CFAP61: variants seen among roughly 807,000 people sequenced by gnomAD.
The protein encoded by CFAP61 is cilia- and flagella-associated protein 61.
Under a neutral mutation model 135.6 loss-of-function variants are expected in CFAP61, and 107 were observed. The ratio of observed to expected loss-of-function variants is 0.79; its 90% CI spans 0.67 to 0.93. The LOEUF (loss-of-function observed/expected upper bound fraction) is 0.93, where lower values mean the gene tolerates loss of function less well. Ranked by LOEUF, CFAP61 falls within the 40% of genes least tolerant of loss-of-function variation. The probability of loss-of-function intolerance (pLI) is 0.00; values close to 1 mark genes in which losing one functional copy is unlikely to be tolerated. For synonymous variants in CFAP61, 575 were observed against 578.5 expected (o/e 0.99, Z 0.09); for missense variants, 1,507 against 1,556.2 (o/e 0.97, Z 0.53).
At chr20:20,081,992 A>G (rs1398634993) in intron 6 of CFAP61, among the ~76,000 whole-genome samples, 5 of 152,198 alleles carry the variant, frequency 3.3e-5, no homozygotes, top group Non-Finnish European at 5.9e-5. Context: ...AAAGCCCTCT[A>G]TCCACATGTT....
chr20:20,093,872 A>T (rs2047382623), intron 7 of CFAP61, among the ~76,000 whole-genome samples: 1 of 151,474 alleles, frequency 6.6e-6, no homozygotes, highest in African/African-American at 2.4e-5. Flanking sequence ...TTTATTTTTA[A>T]TTTTGGACAC....
At chr20:20,059,799 A>G (rs1639219529) in intron 2 of CFAP61, among the ~76,000 whole-genome samples, 1 of 152,172 alleles carries the variant, frequency 6.6e-6, no homozygotes, top group South Asian at 2.1e-4. Flanking sequence ...CAATACCAGT[A>G]AATTACCCAG....
chr20:20,122,187 T>G (rs1232239194), intron 8 of CFAP61, among the ~76,000 whole-genome samples: 1 of 151,834 alleles, frequency 6.6e-6, no homozygotes, highest in Non-Finnish European at 1.5e-5. Flanking sequence ...AGAGTCTCAC[T>G]CTGTCACCCA....
At chr20:20,218,082 G>A (rs192207390) in intron 17 of CFAP61, among the ~76,000 whole-genome samples, 64 of 152,228 alleles carry the variant, frequency 4.2e-4, no homozygotes, top group Non-Finnish European at 7.2e-4. Context: ...GACTTTTCCT[G>A]CTGTCCTAGA....
chr20:20,257,987 C>G (rs1378051262), intron 20 of CFAP61, among the ~76,000 whole-genome samples: 1 of 152,090 alleles, frequency 6.6e-6, no homozygotes, highest in Non-Finnish European at 1.5e-5. Context: ...AGGGAGAAAA[C>G]AAAGGAAAAC....
At chr20:20,064,384 C>G (rs999612216) in intron 2 of CFAP61, among the ~76,000 whole-genome samples, 10 of 152,180 alleles carry the variant, frequency 6.6e-5, no homozygotes, top group African/African-American at 1.7e-4. Context: ...GTAAAGGAAG[C>G]CTTTTACGGC....
intron 25 of CFAP61, among the ~76,000 whole-genome samples, chr20:20,299,153 A>C (rs1569265984): frequency 6.6e-6 from 1 of 152,222 alleles, no homozygotes; most frequent in African/African-American, 2.4e-5. Flanking sequence ...GCCTCTTAAA[A>C]ATTTTTTAAA....
chr20:20,352,207 A>C (rs764529764), intron 26 of CFAP61, among the ~76,000 whole-genome samples: 2 of 152,180 alleles, frequency 1.3e-5, no homozygotes, highest in African/African-American at 2.4e-5. Context: ...AGAGCAAAGG[A>C]GGAACTTCCA....
intron 25 of CFAP61, among the ~76,000 whole-genome samples, chr20:20,320,296 C>A (rs2057376977): frequency 8.0e-6 from 1 of 124,282 alleles, no homozygotes; most frequent in East Asian, 2.3e-4. Flanking sequence ...ATTTTTTTAG[C>A]AGTAAAGATG....
At chr20:20,068,804 GTGCCATCTTGGCTCGC>G (rs1264197783) in intron 2 of CFAP61, among the ~76,000 whole-genome samples, 2 of 152,176 alleles carry the variant, frequency 1.3e-5, no homozygotes, top group African/African-American at 4.8e-5. Context: ...CAGTGCAGTG[GTGCCATCTTGGCTCGC>G]TGCAACCTCT....
At chr20:20,344,724 A>G (rs971794606) in intron 26 of CFAP61, among the ~76,000 whole-genome samples, 3 of 152,246 alleles carry the variant, frequency 2.0e-5, no homozygotes, top group African/African-American at 7.2e-5. Flanking sequence ...TAAAGCTGCC[A>G]TATGACCCAC....
chr20:20,127,985 C>A (rs1600818504), intron 8 of CFAP61, among the ~76,000 whole-genome samples: 1 of 151,598 alleles, frequency 6.6e-6, no homozygotes, highest in Non-Finnish European at 1.5e-5. Flanking sequence ...AGCTGGCAGT[C>A]ACAGGCCTCA....
chr20:20,301,646 G>A (rs1243366210), intron 25 of CFAP61, among the ~76,000 whole-genome samples: 1 of 152,086 alleles, frequency 6.6e-6, no homozygotes, highest in Admixed American at 6.5e-5. Context: ...TTGTTCATGG[G>A]CCATTTGTGG....
At chr20:20,316,019 G>A (rs901823343) in intron 25 of CFAP61, among the ~76,000 whole-genome samples, 33 of 152,188 alleles carry the variant, frequency 2.2e-4, no homozygotes, top group Admixed American at 3.9e-4. Flanking sequence ...TTGGCGATGC[G>A]GGCTCTTTTT....
At position 20,263,083 on chromosome 20, in the gene CFAP61, G is replaced by C; in HGVS notation, c.2456G>C (p.Cys819Ser). ...TTCACTCTCAACGAGGAAGAGGATTGCTTTAAGGCACTGATTTGGATAAGG... is the reference window on the plus strand; with the variant it reads ...TTCACTCTCAACGAGGAAGAGGATTCCTTTAAGGCACTGATTTGGATAAGG... ...NHFTLNEEED[C>S]FKALIWIRNN... The change falls in exon 21 of 27, where the codon TGC becomes TCC. Residue 819 changes from cysteine to serine, a missense_variant. Physicochemically the swap from Cys to Ser is moderately radical, Grantham distance 112. Coordinates refer to ENST00000245957, the MANE Select transcript of CFAP61 (RefSeq NM_015585.4). 1 of 1,614,010 alleles carries C rather than the reference G, an allele frequency of 6.2e-7. No individual in the cohort carries two copies. The highest frequency in any genetic ancestry group is 8.5e-7 in the Non-Finnish European group (1 of 1,179,946).
Position 20,160,298 on chromosome 20 carries a change from G to A in CFAP61, c.1026+854G>A, listed in dbSNP as rs931419362. ...CCTTGAGAAGGGAATGGAACATGGG[G>A]CTTGGTCATATCCATAGAGGCACTG... On this transcript the variant is annotated intron_variant, in intron 10 of 26. Transcript: ENST00000245957. 4.6e-5 allele frequency among the ~76,000 whole-genome samples: 7 copies of A among 152,286 alleles called. No individual in the cohort carries two copies. The South Asian group carries it at 1.5e-3, about 32-fold the overall frequency.
chr20:20,085,312 G>C, intron 6 of CFAP61: 1 of 1,197,620 alleles, frequency 8.3e-7, no homozygotes, highest in Non-Finnish European at 1.1e-6. Flanking sequence ...TTTCTGTGGG[G>C]CTGGACTTTG....
chr20:20,257,945 G>C (rs1413383010), intron 20 of CFAP61, among the ~76,000 whole-genome samples: 1 of 152,112 alleles, frequency 6.6e-6, no homozygotes, highest in Non-Finnish European at 1.5e-5. Flanking sequence ...CAGCATGAAG[G>C]AATTCACCTT....
chr20:20,228,405 G>T, intron 18 of CFAP61, 29 bp downstream of exon 18: 1 of 1,574,450 alleles, frequency 6.4e-7, no homozygotes, highest in Admixed American at 1.7e-5. Context: ...TTGATTGATT[G>T]GTTTTTAAAT....
Sources: allele counts gnomAD v4.1 joint callset (sites outside exome capture counted in the v4.1 genomes callset), GRCh38; gene constraint gnomAD v4.1.1; transcripts MANE v1.5; gene names NCBI Gene and HGNC (gene_info 2026-07-23, HGNC 2026-07-21).